Variants in SERINC5 observed in about 807,000 individuals in gnomAD.
SERINC5 encodes serine incorporator 5, also known as chromosome 5 open reading frame 12.
SERINC5 carries 41 observed loss-of-function variants against 63.1 expected under a neutral mutation model. The ratio of observed to expected loss-of-function variants is 0.65; its 90% CI spans 0.51 to 0.84. The LOEUF (loss-of-function observed/expected upper bound fraction) is 0.84. Among genes scored for constraint, SERINC5 ranks in the 40% least tolerant of loss-of-function variants. The pLI is 0.00. For missense variants in SERINC5, 523 were observed against 573.0 expected (o/e 0.91, Z 0.89); for synonymous variants, 222 against 215.2 (o/e 1.03, Z -0.28).
Position 80,140,316 on chromosome 5 carries a change from A to G in SERINC5, c.*3347T>C. ...AGTGAGCCCGTCTCCAAAAAAAAAA[A>G]AAAAAAAAAAAAAAAAGGCTTAGGG... On this transcript the variant is annotated 3_prime_UTR_variant, in exon 12 of 12. Coordinates refer to ENST00000507668, the MANE Select transcript of SERINC5 (RefSeq NM_001174072.3). 2 of 874,324 alleles carry G rather than the reference A, an allele frequency of 2.3e-6. No individual in the cohort carries two copies. Among genetic ancestry groups the G allele is most frequent in the Non-Finnish European group, 2.7e-6 (2 of 736,800 alleles). The allele number at this position is 874,324 out of a possible 1,614,324, so 54.2% of individuals were successfully genotyped here.
chr5:80,181,846 T>A (rs572534573), intron 2 of SERINC5, among the ~76,000 whole-genome samples: 1 of 152,302 alleles, frequency 6.6e-6, no homozygotes, highest in South Asian at 2.1e-4. Context: ...CCCCGAAGGC[T>A]CTGCCCACAT....
At chr5:80,152,151 C>T (rs1293370476) in intron 8 of SERINC5, among the ~76,000 whole-genome samples, 3 of 152,198 alleles carry the variant, frequency 2.0e-5, no homozygotes, top group African/African-American at 7.2e-5. Context: ...CAGAGGAAGA[C>T]AGAAACATCT....
chr5:80,116,397 C>T, intron 11 of SERINC5: 1 of 451,650 alleles, frequency 2.2e-6, no homozygotes. Context: ...GGGACAGGCC[C>T]AGGCCATCCA....
downstream of SERINC5, among the ~76,000 whole-genome samples, chr5:80,136,419 C>T (rs1316210132): frequency 1.3e-5 from 2 of 152,182 alleles, no homozygotes; most frequent in Admixed American, 6.5e-5. Flanking sequence ...ATATTCTCAA[C>T]AATTAGCACA....
intron 1 of SERINC5, among the ~76,000 whole-genome samples, chr5:80,253,955 C>T (rs1014794919): frequency 7.9e-5 from 12 of 152,132 alleles, no homozygotes; most frequent in Non-Finnish European, 1.5e-4. Context: ...TGGAGTTTTG[C>T]TCTTTTTGCT....
At chr5:80,137,158 A>C (rs1182263115), downstream of SERINC5, among the ~76,000 whole-genome samples, 760 of 104,870 alleles carry the variant, frequency 7.2e-3, 13 homozygotes, top group African/African-American at 0.023. Context: ...AAAAAAAAAA[A>C]AAAAACAAAA....
intron 11 of SERINC5, among the ~76,000 whole-genome samples, chr5:80,128,118 A>G (rs1052281263): frequency 6.6e-6 from 1 of 152,244 alleles, no homozygotes; most frequent in African/African-American, 2.4e-5. Flanking sequence ...TATAATGGTT[A>G]CAAAACTTAT....
downstream of SERINC5, among the ~76,000 whole-genome samples, chr5:80,135,133 AACTCAC>A (rs1745107318): frequency 6.6e-6 from 1 of 152,126 alleles, no homozygotes; most frequent in African/African-American, 2.4e-5. Context: ...GCACAATCAC[AACTCAC>A]TATAACCTCT....
intron 2 of SERINC5, 35 bp from the exon 3 acceptor site, chr5:80,178,099 A>G (rs1192524448): frequency 6.8e-7 from 1 of 1,459,860 alleles, no homozygotes; most frequent in Non-Finnish European, 9.3e-7. Flanking sequence ...ATCTGTTACA[A>G]CTGAGTGAGA....
chr5:80,186,158 CAG>C (rs1748790442), intron 2 of SERINC5, among the ~76,000 whole-genome samples: 2 of 113,850 alleles, frequency 1.8e-5, no homozygotes, highest in Admixed American at 9.9e-5. Context: ...AAAAAAAAGA[CAG>C]AGTTTCACTC....
intron 1 of SERINC5, among the ~76,000 whole-genome samples, chr5:80,222,294 G>A (rs1175402593): frequency 2.0e-5 from 3 of 152,110 alleles, no homozygotes; most frequent in Admixed American, 2.0e-4. Context: ...CCCCCACTTT[G>A]CAACTGTGGA....
intron 1 of SERINC5, among the ~76,000 whole-genome samples, chr5:80,206,095 T>C (rs944512474): frequency 2.0e-5 from 3 of 152,152 alleles, no homozygotes; most frequent in African/African-American, 7.2e-5. Context: ...GGAGTCCCTG[T>C]TAAGCCAACA....
intron 8 of SERINC5, among the ~76,000 whole-genome samples, chr5:80,153,474 G>A (rs191395763): frequency 6.7e-6 from 1 of 148,620 alleles, no homozygotes; most frequent in East Asian, 2.0e-4. Flanking sequence ...TCAAGAAAAG[G>A]TTTTTTTTTT....
chr5:80,211,062 T>C (rs1750407913), intron 1 of SERINC5, among the ~76,000 whole-genome samples: 1 of 152,138 alleles, frequency 6.6e-6, no homozygotes, highest in Admixed American at 6.5e-5. Context: ...TGGATATCCT[T>C]AGCATCCATA....
chr5:80,238,546 G>A (rs754972161), intron 1 of SERINC5, among the ~76,000 whole-genome samples: 105 of 152,272 alleles, frequency 6.9e-4, no homozygotes, highest in Non-Finnish European at 1.3e-3. Flanking sequence ...GCATTTGGGA[G>A]GCTGATGCAG....
chr5:80,233,174 C>T (rs1751529512), intron 1 of SERINC5, among the ~76,000 whole-genome samples: 1 of 152,146 alleles, frequency 6.6e-6, no homozygotes, highest in African/African-American at 2.4e-5. Flanking sequence ...GCCTGTAATC[C>T]CAGCACTTTG....
intron 2 of SERINC5, among the ~76,000 whole-genome samples, chr5:80,186,911 T>C (rs952004645): frequency 1.8e-4 from 28 of 151,906 alleles, no homozygotes; most frequent in South Asian, 6.2e-4. Flanking sequence ...ATCCCAGCAT[T>C]TGGGGAGGCC....
chr5:80,240,548 A>G (rs1405943331), intron 1 of SERINC5, among the ~76,000 whole-genome samples: 7 of 152,168 alleles, frequency 4.6e-5, no homozygotes, highest in Non-Finnish European at 8.8e-5. Flanking sequence ...AATTTTTAGA[A>G]TGCGTATGTC....
At chr5:80,243,785 A>G (rs369741896) in intron 1 of SERINC5, among the ~76,000 whole-genome samples, 9 of 148,422 alleles carry the variant, frequency 6.1e-5, no homozygotes, top group Non-Finnish European at 9.1e-5. Context: ...ATAAATAAAT[A>G]AAACAAAATA....
Sources: allele counts gnomAD v4.1 joint callset (sites outside exome capture counted in the v4.1 genomes callset), GRCh38; gene constraint gnomAD v4.1.1; transcripts MANE v1.5; gene names NCBI Gene and HGNC (gene_info 2026-07-23, HGNC 2026-07-21).